Variants in GKAP1 observed in about 807,000 individuals in gnomAD.
GKAP1 encodes G kinase-anchoring protein 1.
In GKAP1, 31 loss-of-function variants were observed where a neutral mutation model predicts 56.7. That is an observed-to-expected ratio of 0.55 (90% CI 0.41 to 0.74). The LOEUF (loss-of-function observed/expected upper bound fraction) is 0.74, where lower values mean the gene tolerates loss of function less well. GKAP1 is among the 30% of genes least tolerant of loss of function. The probability of loss-of-function intolerance (pLI) is 0.00; values close to 1 mark genes in which losing one functional copy is unlikely to be tolerated. For synonymous variants in GKAP1, 151 were observed against 138.6 expected (o/e 1.09, Z -0.63); for missense variants, 364 against 402.3 (o/e 0.90, Z 0.82).
At chr9:83,745,580 ATAT>A (rs1943279852) in intron 10 of GKAP1, among the ~76,000 whole-genome samples, 1 of 152,114 alleles carries the variant, frequency 6.6e-6, no homozygotes, top group African/African-American at 2.4e-5. Flanking sequence ...TGGGGAGGAA[ATAT>A]TATTTTATTT....
At chr9:83,809,742 C>T (rs554857905) in intron 2 of GKAP1, among the ~76,000 whole-genome samples, 161 of 152,334 alleles carry the variant, frequency 1.1e-3, no homozygotes, top group Non-Finnish European at 2.1e-3. Flanking sequence ...TCACCTAGAG[C>T]TTTGTCATTA....
At chr9:83,760,656 A>T (rs1943554529) in intron 8 of GKAP1, among the ~76,000 whole-genome samples, 1 of 152,188 alleles carries the variant, frequency 6.6e-6, no homozygotes, top group Admixed American at 6.5e-5. Context: ...AATTGAAGTA[A>T]TATCAAGCAT....
chr9:83,783,431 A>C (rs551002378), intron 6 of GKAP1, among the ~76,000 whole-genome samples: 5 of 152,328 alleles, frequency 3.3e-5, no homozygotes, highest in African/African-American at 4.8e-5. Context: ...TTTTCATTTT[A>C]ATTTTTATTA....
At position 83,804,634 on chromosome 9, in the gene GKAP1, C is replaced by T. The variant is rs539445642; in HGVS notation, c.216+1668G>A. On this transcript the variant is annotated intron_variant, in intron 3 of 12. Transcript: ENST00000376371. ...CCAGGAGGGAGGTGGGGGGGGTCAG[C>T]CCCCCGCCTGGCCAGCCGCCCCGTC... Among the ~76,000 whole-genome samples, 674 of 142,818 alleles carry T rather than the reference C, an allele frequency of 4.7e-3. 12 individuals are homozygous for T. The highest frequency in any genetic ancestry group is 0.017 in the African/African-American group (638 of 37,980). 93.7% of individuals were successfully genotyped at this position (142,818 alleles called of 152,430 possible).
intron 3 of GKAP1, among the ~76,000 whole-genome samples, chr9:83,804,796 G>A (rs1475122473): frequency 6.8e-6 from 1 of 146,908 alleles, no homozygotes; most frequent in Admixed American, 6.7e-5. Flanking sequence ...CCCCTACTGG[G>A]AAGTGAGGAG....
intron 2 of GKAP1, among the ~76,000 whole-genome samples, chr9:83,812,654 G>A (rs572249403): frequency 2.9e-4 from 42 of 144,620 alleles, no homozygotes; most frequent in African/African-American, 9.0e-4. Flanking sequence ...AATGATATTA[G>A]TTCTAAAAAA....
At chr9:83,778,622 A>T (rs1187458255) in intron 7 of GKAP1, among the ~76,000 whole-genome samples, 1 of 152,140 alleles carries the variant, frequency 6.6e-6, no homozygotes, top group African/African-American at 2.4e-5. Context: ...GTGACAAAAT[A>T]ATCTGTATAA....
intron 3 of GKAP1, among the ~76,000 whole-genome samples, chr9:83,804,233 C>T (rs561576860): frequency 0.01 from 1,549 of 148,856 alleles, 18 homozygotes; most frequent in African/African-American, 0.033. Flanking sequence ...CCAGCCACCC[C>T]GTCCGGGAGG....
intron 2 of GKAP1, among the ~76,000 whole-genome samples, chr9:83,807,458 T>C (rs1944454967): frequency 6.6e-6 from 1 of 152,190 alleles, no homozygotes; most frequent in South Asian, 2.1e-4. Context: ...CTTAACAGAA[T>C]GGCAACTCAG....
At chr9:83,756,090 C>A (rs771595578) in intron 8 of GKAP1, among the ~76,000 whole-genome samples, 1 of 152,020 alleles carries the variant, frequency 6.6e-6, no homozygotes, top group Non-Finnish European at 1.5e-5. Context: ...CAAGCGTGAC[C>A]CACCGCACCC....
chr9:83,768,879 C>T lies in GKAP1; in HGVS notation c.677G>A (p.Arg226Gln), dbSNP rs376833201. Residue 226 changes from arginine to glutamine, a missense_variant, in exon 8 of 13, where the codon CGA becomes CAA. By Grantham distance (43) the Arg-to-Gln change is conservative. Transcript: ENST00000376371. ...ATTATATTCTGTAAGCTGTTCTCTT[C>T]GTTTTTCTCTAATAAGAATTTTATG... ...DVHKILIREKRREQLTEYNGT... is the reference protein window; with the variant it reads ...DVHKILIREKQREQLTEYNGT... 2.4e-5 allele frequency: 39 copies of T among 1,612,034 alleles called. No homozygotes were observed. Among genetic ancestry groups the T allele is most frequent in the South Asian group, 3.3e-5 (3 of 91,028 alleles).
chr9:83,739,879 T>A (rs1428104392), intron 12 of GKAP1, 135 bp from the exon 13 acceptor site: 1 of 650,950 alleles, frequency 1.5e-6, no homozygotes, highest in Non-Finnish European at 2.6e-6. Flanking sequence ...TGTTGTAAAT[T>A]TGAGTCTACA....
intron 4 of GKAP1, among the ~76,000 whole-genome samples, chr9:83,795,649 T>C (rs115315132): frequency 0.012 from 1,703 of 141,572 alleles, 29 homozygotes; most frequent in African/African-American, 0.038. Flanking sequence ...TGAAGTGCAC[T>C]GGCATGATCA....
At chr9:83,801,154 G>A (rs1394524510) in intron 3 of GKAP1, among the ~76,000 whole-genome samples, 1 of 152,156 alleles carries the variant, frequency 6.6e-6, no homozygotes, top group African/African-American at 2.4e-5. Context: ...ACAAAGAGGT[G>A]AAGACACAGA....
rs1450148593 is a variant in GKAP1, at chr9:83,799,347, A to G, written c.217-19T>C. 1 of 1,533,474 alleles carries G rather than the reference A, an allele frequency of 6.5e-7. No individual in the cohort carries two copies. Among genetic ancestry groups the G allele is most frequent in the Admixed American group, 2.3e-5 (1 of 43,892 alleles). The allele number at this position is 1,533,474 out of a possible 1,614,324, so 95.0% of individuals were successfully genotyped here. On this transcript the variant is annotated intron_variant, in intron 3 of 12. Transcript: ENST00000376371. Reference sequence around the variant, plus strand: ...TCCTGAGCTATAAAACAAACAAAAAATATATTAAATTCAGTTTACCAATCC... The same window carrying G: ...TCCTGAGCTATAAAACAAACAAAAAGTATATTAAATTCAGTTTACCAATCC...
chr9:83,777,763 A>T (rs1490745372), intron 7 of GKAP1, among the ~76,000 whole-genome samples: 1 of 152,224 alleles, frequency 6.6e-6, no homozygotes. Flanking sequence ...GAATTAAGTT[A>T]ATCATTCAGC....
chr9:83,776,189 T>C (rs1032687177), intron 7 of GKAP1, among the ~76,000 whole-genome samples: 6 of 152,116 alleles, frequency 3.9e-5, no homozygotes, highest in Non-Finnish European at 4.4e-5. Flanking sequence ...CTGGATTGAG[T>C]TGGGCTTCTG....
chr9:83,806,288 G>GAT lies in GKAP1; in HGVS notation c.216+12_216+13dup. 1.3e-6 allele frequency: 2 copies of GAT among 1,482,142 alleles called. No homozygotes were observed. Among genetic ancestry groups the GAT allele is most frequent in the Non-Finnish European group, 1.8e-6 (2 of 1,088,126 alleles). The allele number at this position is 1,482,142 out of a possible 1,614,324, so 91.8% of individuals were successfully genotyped here. On this transcript the variant is annotated intron_variant, in intron 3 of 12. Transcript: ENST00000376371. ...ATCTACTGGGAAAGCAGACAACACA[G>GAT]ATAATTGTGTTACCTCATTTGCTTC...
At chr9:83,771,226 C>T (rs1180609182) in intron 7 of GKAP1, among the ~76,000 whole-genome samples, 1 of 135,492 alleles carries the variant, frequency 7.4e-6, no homozygotes, top group Non-Finnish European at 1.6e-5. Flanking sequence ...CCACTCCTGG[C>T]TAATTTTTTT....
Sources: allele counts gnomAD v4.1 joint callset (sites outside exome capture counted in the v4.1 genomes callset), GRCh38; gene constraint gnomAD v4.1.1; transcripts MANE v1.5; gene names NCBI Gene and HGNC (gene_info 2026-07-23, HGNC 2026-07-21).